FBXO25: variants seen among roughly 807,000 people sequenced by gnomAD.
FBXO25 encodes the protein F-box protein 25, also known as F-box only protein 25.
In FBXO25, 45 loss-of-function variants were observed where a neutral mutation model predicts 51.9. The ratio of observed to expected loss-of-function variants is 0.87; its 90% confidence interval spans 0.68 to 1.11. The LOEUF is 1.11. Among genes scored for constraint, FBXO25 ranks in the 50% most tolerant of loss-of-function variants. FBXO25 has a pLI of 0.00. For synonymous variants in FBXO25, 199 were observed against 151.0 expected (o/e 1.32, Z -2.33); for missense variants, 507 against 428.5 (o/e 1.18, Z -1.62).
At chr8:427,553 C>G (rs375909007) in intron 2 of FBXO25, among the ~76,000 whole-genome samples, 3 of 150,290 alleles carry the variant, frequency 2.0e-5, no homozygotes, top group South Asian at 4.2e-4. Flanking sequence ...TAACCACAAA[C>G]TCAGTGGCTT....
At chr8:411,458 C>A (rs191963787) in intron 1 of FBXO25, among the ~76,000 whole-genome samples, 261 of 152,196 alleles carry the variant, frequency 1.7e-3, no homozygotes, top group African/African-American at 6.1e-3. Context: ...TCCCTCTCGA[C>A]ATATTCTGTG....
intron 1 of FBXO25, among the ~76,000 whole-genome samples, chr8:412,708 A>C (rs1796556322): frequency 6.6e-6 from 1 of 152,170 alleles, no homozygotes; most frequent in Non-Finnish European, 1.5e-5. Flanking sequence ...ACATGAATAC[A>C]TTTCATTTTC....
intron 5 of FBXO25, among the ~76,000 whole-genome samples, chr8:444,121 G>C (rs1048785220): frequency 2.6e-5 from 4 of 152,212 alleles, no homozygotes; most frequent in African/African-American, 4.8e-5. Flanking sequence ...AGGTACTTCA[G>C]ATGGTGCCTT....
chr8:424,175 G>T (rs1281609986), intron 2 of FBXO25, among the ~76,000 whole-genome samples: 1 of 148,478 alleles, frequency 6.7e-6, no homozygotes, highest in African/African-American at 2.5e-5. Flanking sequence ...CTGGAGTGCA[G>T]TGGCGCAATT....
At chr8:435,589 T>C (rs1398621819) in intron 4 of FBXO25, 26 bp from the exon 5 acceptor site, 3 of 1,596,080 alleles carry the variant, frequency 1.9e-6, no homozygotes, top group African/African-American at 1.4e-5. Flanking sequence ...AATTGACTAA[T>C]TTTAACTTCT....
chr8:466,093 C>G (rs189687701), intron 9 of FBXO25, among the ~76,000 whole-genome samples: 15 of 152,332 alleles, frequency 9.8e-5, no homozygotes, highest in Non-Finnish European at 2.1e-4. Context: ...GCTTCTCCCA[C>G]TGAATATCAT....
Position 477,489 on chromosome 8 carries a change from T to A in FBXO25, c.*8685T>A, listed in dbSNP as rs1294148833. ...TGGTGAATTTTCAAACTTTTTAAATTTCAACATGAAGATGAAATTATAGGA... is the reference window on the plus strand; with the variant it reads ...TGGTGAATTTTCAAACTTTTTAAATATCAACATGAAGATGAAATTATAGGA... On this transcript the variant is annotated 3_prime_UTR_variant, in exon 10 of 10. Coordinates refer to ENST00000350302, the MANE Select transcript of FBXO25 (RefSeq NM_183420.2). 4 of 152,268 alleles carry A rather than the reference T, an allele frequency of 2.6e-5. No homozygotes were observed. Among genetic ancestry groups the A allele is most frequent in the Non-Finnish European group, 4.4e-5 (3 of 68,058 alleles). The allele number at this position is 152,268 out of a possible 1,614,324, so 9.4% of individuals were successfully genotyped here. A position where few individuals can be genotyped will look rare whatever the true frequency, so the allele number is the denominator to read the frequency against.
Position 413,076 on chromosome 8 carries a change from A to G in FBXO25, c.-4A>G. On this transcript the variant is annotated 5_prime_UTR_variant, in exon 2 of 10. Coordinates refer to ENST00000350302, the MANE Select transcript of FBXO25 (RefSeq NM_183420.2). ...ACATAATTTAACTTTTTCATAGGAG[A>G]ACTATGCCATTTTTGGGTCAGGACT... is the stretch of plus-strand genomic sequence containing the variant. The G allele has an allele frequency of 1.3e-6, 2 of 1,508,672 alleles. No individual in the cohort carries two copies. Among genetic ancestry groups the G allele is most frequent in the Non-Finnish European group, 1.8e-6 (2 of 1,132,364 alleles). 93.5% of individuals were successfully genotyped at this position (1,508,672 alleles called of 1,614,324 possible).
chr8:432,382 C>G (rs912312592), intron 3 of FBXO25, among the ~76,000 whole-genome samples: 1 of 152,160 alleles, frequency 6.6e-6, no homozygotes, highest in African/African-American at 2.4e-5. Flanking sequence ...TTAATGTTTT[C>G]AAACCAAACC....
intron 8 of FBXO25, 127 bp downstream of exon 8, chr8:458,678 C>G: frequency 2.3e-6 from 2 of 874,780 alleles, no homozygotes; most frequent in Non-Finnish European, 3.5e-6. Context: ...GAACCAGGAA[C>G]AATCAGAGTT....
intron 5 of FBXO25, among the ~76,000 whole-genome samples, chr8:447,218 A>G (rs1798791957): frequency 6.6e-6 from 1 of 152,148 alleles, no homozygotes; most frequent in African/African-American, 2.4e-5. Flanking sequence ...AGTTTTACTC[A>G]GGGACATGGG....
chr8:464,910 C>T (rs1311018154), intron 9 of FBXO25, among the ~76,000 whole-genome samples: 2 of 152,326 alleles, frequency 1.3e-5, no homozygotes, highest in East Asian at 3.9e-4. Context: ...GTACAACTGT[C>T]TTGTAGACTA....
intron 4 of FBXO25, 143 bp downstream of exon 4, chr8:433,078 A>G: frequency 8.5e-7 from 1 of 1,181,958 alleles, no homozygotes; most frequent in East Asian, 3.1e-5. Flanking sequence ...CTGACAGATA[A>G]TAGCATATGA....
intron 7 of FBXO25, 26 bp downstream of exon 7, chr8:451,479 A>T (rs1174908447): frequency 6.3e-7 from 1 of 1,596,990 alleles, no homozygotes; most frequent in Admixed American, 1.8e-5. Context: ...CATAAGAGTT[A>T]TTACACTCTG....
intron 1 of FBXO25, among the ~76,000 whole-genome samples, chr8:407,680 C>T (rs1219555832): frequency 2.0e-5 from 3 of 152,090 alleles, no homozygotes; most frequent in Non-Finnish European, 4.4e-5. Flanking sequence ...CGCCGGTGGG[C>T]ACCTGCTAGG....
At chr8:433,224 T>C (rs1797918685) in intron 4 of FBXO25, among the ~76,000 whole-genome samples, 1 of 152,132 alleles carries the variant, frequency 6.6e-6, no homozygotes, top group African/African-American at 2.4e-5. Flanking sequence ...GTATGTATGA[T>C]TGTGCATGTA....
chr8:414,218 A>G (rs1796659283), intron 2 of FBXO25, among the ~76,000 whole-genome samples: 1 of 152,170 alleles, frequency 6.6e-6, no homozygotes, highest in Non-Finnish European at 1.5e-5. Context: ...CTGCCACGCT[A>G]AGATGTATTT....
At position 463,913 on chromosome 8, in the gene FBXO25, C is replaced by G. The variant is rs1419084568; in HGVS notation, c.987+763C>G. Among the ~76,000 whole-genome samples, 4 of 152,264 alleles carry G rather than the reference C, an allele frequency of 2.6e-5. No individual in the cohort carries two copies. In the South Asian group the frequency reaches 6.2e-4, roughly 24 times the overall value. On this transcript the variant is annotated intron_variant, in intron 9 of 9. Transcript: ENST00000350302. ...ACTGCAGCCTCTACCTCCTGCCTCT[C>G]AAGTAGCTGGGACTACAGGCAGGTG...
At chr8:430,021 C>G (rs1017675623) in intron 2 of FBXO25, among the ~76,000 whole-genome samples, 1 of 152,232 alleles carries the variant, frequency 6.6e-6, no homozygotes, top group Non-Finnish European at 1.5e-5. Flanking sequence ...GCTTTTCTGT[C>G]CCATGCTCAC....
Sources: allele counts gnomAD v4.1 joint callset (sites outside exome capture counted in the v4.1 genomes callset), GRCh38; gene constraint gnomAD v4.1.1; transcripts MANE v1.5; gene names NCBI Gene and HGNC (gene_info 2026-07-23, HGNC 2026-07-21).